VPS13B: variants seen among roughly 807,000 people sequenced by gnomAD.
The protein encoded by VPS13B is vacuolar protein sorting 13 homolog B.
VPS13B carries 285 observed loss-of-function variants against 426.4 expected under a neutral mutation model. That is an observed-to-expected ratio of 0.67 (90% CI 0.61 to 0.74). The LOEUF is 0.74. Ranked by LOEUF, VPS13B falls within the 30% of genes least tolerant of loss-of-function variation. VPS13B has a pLI of 0.00. For synonymous variants in VPS13B, 1,676 were observed against 1,676.4 expected, an observed-to-expected ratio of 1.00 and a Z score of 0.01; for missense variants, 4,537 against 4,782.6, an observed-to-expected ratio of 0.95 and a Z score of 1.51.
chr8:99,777,066 AT>A, intron 41 of VPS13B, 110 bp downstream of exon 41: 1 of 1,404,346 alleles, frequency 7.1e-7, no homozygotes, highest in Non-Finnish European at 1.0e-6. Flanking sequence ...TTCAGGAAGT[AT>A]AAAGCGAGCA....
chr8:99,853,309 A>T (rs1312578954), intron 55 of VPS13B, 142 bp from the exon 56 acceptor site: 1 of 819,080 alleles, frequency 1.2e-6, no homozygotes, highest in Non-Finnish European at 1.9e-6. Flanking sequence ...CAATGTACTG[A>T]AAGTTGAGTT....
intron 23 of VPS13B, among the ~76,000 whole-genome samples, chr8:99,446,431 T>A (rs1817925570): frequency 6.6e-6 from 1 of 152,124 alleles, no homozygotes; most frequent in Non-Finnish European, 1.5e-5. Flanking sequence ...AGTCTTTGTG[T>A]TTTAAAGTTT....
chr8:99,146,127 A>G (rs1227543067), intron 13 of VPS13B, among the ~76,000 whole-genome samples: 1 of 149,456 alleles, frequency 6.7e-6, no homozygotes, highest in African/African-American at 2.4e-5. Context: ...AGTGAACTGC[A>G]TATGTCTTTT....
At chr8:99,815,295 T>C (rs1264352415) in intron 44 of VPS13B, among the ~76,000 whole-genome samples, 1 of 151,842 alleles carries the variant, frequency 6.6e-6, no homozygotes, top group African/African-American at 2.4e-5. Context: ...GGAGAGCGAA[T>C]AGTGTAAGTT....
chr8:99,050,679 A>G (rs1238125918), intron 3 of VPS13B, among the ~76,000 whole-genome samples: 1 of 152,142 alleles, frequency 6.6e-6, no homozygotes, highest in Non-Finnish European at 1.5e-5. Context: ...GTTTCTCCAC[A>G]TCCTCTCCAG....
At chr8:99,058,083 G>A (rs528359120) in intron 3 of VPS13B, among the ~76,000 whole-genome samples, 1 of 152,000 alleles carries the variant, frequency 6.6e-6, no homozygotes, top group Non-Finnish European at 1.5e-5. Flanking sequence ...GTGTTCCCAA[G>A]TTTTTTCTTT....
chr8:99,683,726 A>G (rs1831251728), intron 35 of VPS13B, among the ~76,000 whole-genome samples: 1 of 152,114 alleles, frequency 6.6e-6, no homozygotes. Flanking sequence ...ACTTTGCCAA[A>G]CTCACTTATT....
Position 99,875,452 on chromosome 8 carries a change from AG to A in VPS13B, c.11781del (p.Gln3927HisfsTer61), listed in dbSNP as rs779905320. The A allele has an allele frequency of 6.2e-7, 1 of 1,614,200 alleles. No homozygotes were observed. The highest frequency in any genetic ancestry group is 1.1e-5 in the South Asian group (1 of 91,086). ...DGVRERLSEQ[Q>X]YNRLVDYITK... ...GTCCGAGAGAGACTGTCAGAGCAAC[AG>A]TACAACAGACTGGTGGACTACATCA... On this transcript the variant is annotated frameshift_variant, in exon 62 of 62. Coordinates refer to ENST00000357162, the MANE Select transcript of VPS13B (RefSeq NM_152564.5). LOFTEE classifies it high-confidence loss of function.
intron 21 of VPS13B, among the ~76,000 whole-genome samples, chr8:99,427,588 A>G (rs1007736418): frequency 6.6e-6 from 1 of 152,144 alleles, no homozygotes; most frequent in African/African-American, 2.4e-5. Flanking sequence ...AGGGACGTGA[A>G]GGACCTCTTC....
intron 21 of VPS13B, among the ~76,000 whole-genome samples, chr8:99,405,839 C>T (rs755297782): frequency 2.0e-5 from 3 of 150,130 alleles, no homozygotes; most frequent in Non-Finnish European, 4.4e-5. Flanking sequence ...AGTGTAGTGG[C>T]GTGATCTTGG....
chr8:99,476,157 C>T (rs1205405934), intron 24 of VPS13B, among the ~76,000 whole-genome samples: 2 of 152,196 alleles, frequency 1.3e-5, no homozygotes, highest in African/African-American at 4.8e-5. Flanking sequence ...TTGGTATGAA[C>T]ATCCCTGGTG....
chr8:99,343,779 A>G (rs1320832239), intron 19 of VPS13B, among the ~76,000 whole-genome samples: 1 of 152,208 alleles, frequency 6.6e-6, no homozygotes, highest in Admixed American at 6.5e-5. Context: ...AAATTGTAAA[A>G]CCATTCTGAA....
intron 17 of VPS13B, among the ~76,000 whole-genome samples, chr8:99,195,321 A>T (rs1050976134): frequency 6.6e-6 from 1 of 152,172 alleles, no homozygotes. Flanking sequence ...GGCCATTTGT[A>T]TGAACCATTT....
At chr8:99,146,436 T>A (rs1363257137) in intron 13 of VPS13B, among the ~76,000 whole-genome samples, 2 of 152,220 alleles carry the variant, frequency 1.3e-5, no homozygotes, top group African/African-American at 4.8e-5. Context: ...TTAATTACTG[T>A]AACTCTATGG....
At chr8:99,595,241 G>A (rs1826947358) in intron 33 of VPS13B, among the ~76,000 whole-genome samples, 1 of 151,884 alleles carries the variant, frequency 6.6e-6, no homozygotes, top group Non-Finnish European at 1.5e-5. Context: ...CAAAGCAACA[G>A]CAATCAAGAC....
Position 99,255,195 on chromosome 8 carries a change from G to C in VPS13B, c.2516-19003G>C, listed in dbSNP as rs1467034618. Among the ~76,000 whole-genome samples, 6 of 151,850 alleles carry C rather than the reference G, an allele frequency of 4.0e-5. No homozygotes were observed. The East Asian group carries it at 1.2e-3, about 29-fold the overall frequency. On this transcript the variant is annotated intron_variant, in intron 17 of 61. Coordinates refer to ENST00000357162, the MANE Select transcript of VPS13B (RefSeq NM_152564.5). ...TTTGGTCATTACATTTTTCAGTACT[G>C]AAATTTGTTTGATTTGTTTTTATGT...
chr8:99,871,388 C>T, intron 60 of VPS13B, 60 bp from the exon 61 acceptor site: 1 of 1,612,298 alleles, frequency 6.2e-7, no homozygotes, highest in Non-Finnish European at 8.5e-7. Flanking sequence ...ATAATGAGCA[C>T]TGATAAGTGA....
chr8:99,146,927 A>C (rs186695020), intron 13 of VPS13B, among the ~76,000 whole-genome samples: 1 of 152,082 alleles, frequency 6.6e-6, no homozygotes, highest in Non-Finnish European at 1.5e-5. Context: ...GAAAAGTCCA[A>C]GTTGGTCAGT....
intron 2 of VPS13B, among the ~76,000 whole-genome samples, chr8:99,030,463 T>TGA (rs1842460899): frequency 1.5e-5 from 2 of 135,448 alleles, no homozygotes; most frequent in Non-Finnish European, 3.2e-5. Flanking sequence ...AGTGAGTGAG[T>TGA]GTGTGTGTGT....
Sources: gnomAD v4.1 joint callset for allele counts (sites outside exome capture counted in the v4.1 genomes callset) on GRCh38, gnomAD v4.1.1 for gene constraint, MANE v1.5 for transcripts, NCBI Gene and HGNC (gene_info 2026-07-23, HGNC 2026-07-21) for gene names.